Variants in AP3B1 observed in about 807,000 individuals in gnomAD.
AP3B1 encodes AP-3 complex subunit beta-1.
AP3B1 carries 61 observed loss-of-function variants against 132.5 expected under a neutral mutation model. That is an observed-to-expected ratio of 0.46 (90% confidence interval 0.37 to 0.57). AP3B1 has a LOEUF of 0.57. Among genes scored for constraint, AP3B1 ranks in the 20% least tolerant of loss-of-function variants. The pLI, the probability that AP3B1 is intolerant of heterozygous loss-of-function variation, is 0.00. For synonymous variants in AP3B1, 388 were observed against 438.3 expected, an observed-to-expected ratio of 0.89 and a Z score of 1.43; for missense variants, 1,120 against 1,289.4, an observed-to-expected ratio of 0.87 and a Z score of 2.01.
intron 22 of AP3B1, among the ~76,000 whole-genome samples, chr5:78,052,955 C>T (rs553811797): frequency 1.3e-5 from 2 of 152,270 alleles, no homozygotes; most frequent in African/African-American, 4.8e-5. Context: ...CTGAATTTGA[C>T]TTGTAAAGTG....
In AP3B1 at chr5:78,267,530, C is replaced by T. The variant is rs150651515; in HGVS notation, c.194G>A (p.Arg65Gln). Residue 65 changes from arginine (R) to glutamine (Q), a missense_variant, in exon 2 of 27, where the codon CGG (arginine) becomes CAG (glutamine). Transcript: ENST00000255194. Reference sequence around the variant, plus strand: ...GAGTATTTTACCTACCCCAACAATCCGCTTCATAGCATCCAGTTTAGCAGA... The same window carrying T: ...GAGTATTTTACCTACCCCAACAATCTGCTTCATAGCATCCAGTTTAGCAGA... ...KDSAKLDAMK[R>Q]IVGMIAKGKN... is the part of the protein sequence containing the mutation. 58 of 1,609,296 alleles carry T rather than the reference C, an allele frequency of 3.6e-5. No individual in the cohort carries two copies. The highest frequency in any genetic ancestry group is 5.0e-5 in the Admixed American group (3 of 59,806).
intron 1 of AP3B1, among the ~76,000 whole-genome samples, chr5:78,282,469 A>AG (rs1349484336): frequency 6.6e-6 from 1 of 152,116 alleles, no homozygotes; most frequent in African/African-American, 2.4e-5. Flanking sequence ...CAGAAGAATC[A>AG]GGGCTTATTA....
At chr5:78,068,358 A>AAGAAGG (rs113811186) in intron 22 of AP3B1, among the ~76,000 whole-genome samples, 29,173 of 150,950 alleles carry the variant, frequency 0.19, 3,200 homozygotes, top group Admixed American at 0.35. Flanking sequence ...AAGAAGAAGA[A>AAGAAGG]AGAAGGAGAA....
chr5:78,290,123 C>G (rs1749450329), intron 1 of AP3B1, among the ~76,000 whole-genome samples: 1 of 152,220 alleles, frequency 6.6e-6, no homozygotes, highest in African/African-American at 2.4e-5. Flanking sequence ...ATTATCACAT[C>G]CCGTCTAGAA....
chr5:78,047,270 T>C (rs1375246503), intron 22 of AP3B1, among the ~76,000 whole-genome samples: 1 of 152,210 alleles, frequency 6.6e-6, no homozygotes, highest in Non-Finnish European at 1.5e-5. Flanking sequence ...CCTTGAGGAA[T>C]TGCCGCACTG....
intron 24 of AP3B1, among the ~76,000 whole-genome samples, chr5:78,021,960 CTA>C (rs1747121591): frequency 6.6e-6 from 1 of 152,038 alleles, no homozygotes. Context: ...GAGATGGTAG[CTA>C]GAGAAACAGG....
At chr5:78,133,629 C>A (rs188948661) in intron 15 of AP3B1, among the ~76,000 whole-genome samples, 31 of 152,180 alleles carry the variant, frequency 2.0e-4, no homozygotes, top group Admixed American at 1.7e-3. Context: ...TTTAATATCA[C>A]CAGAGGCTCA....
intron 17 of AP3B1, among the ~76,000 whole-genome samples, chr5:78,122,277 A>G (rs941270193): frequency 2.0e-5 from 3 of 152,238 alleles, no homozygotes; most frequent in African/African-American, 7.2e-5. Context: ...TTCCCTTTGA[A>G]AACTGGCACA....
chr5:78,112,704 T>C (rs1338623850), intron 19 of AP3B1, among the ~76,000 whole-genome samples: 7 of 152,234 alleles, frequency 4.6e-5, no homozygotes, highest in Admixed American at 4.6e-4. Context: ...TCTAAATATA[T>C]TCAACTTCTA....
At chr5:78,137,151 C>T (rs1752953181) in intron 15 of AP3B1, among the ~76,000 whole-genome samples, 2 of 152,106 alleles carry the variant, frequency 1.3e-5, no homozygotes, top group South Asian at 4.1e-4. Flanking sequence ...ATTAAGAATG[C>T]CATGTATTTT....
intron 7 of AP3B1, among the ~76,000 whole-genome samples, chr5:78,184,838 T>C (rs1015378060): frequency 6.6e-6 from 1 of 152,152 alleles, no homozygotes; most frequent in African/African-American, 2.4e-5. Flanking sequence ...CTTTTTAAAT[T>C]TGGCAAATAA....
At chr5:78,218,923 A>C (rs1296720014) in intron 6 of AP3B1, among the ~76,000 whole-genome samples, 2 of 152,118 alleles carry the variant, frequency 1.3e-5, no homozygotes, top group Non-Finnish European at 2.9e-5. Flanking sequence ...AAAATGGGAA[A>C]GATCAGTCAT....
At chr5:78,248,075 A>AT (rs1747451982) in intron 2 of AP3B1, among the ~76,000 whole-genome samples, 1 of 152,254 alleles carries the variant, frequency 6.6e-6, no homozygotes, top group South Asian at 2.1e-4. Flanking sequence ...CTCAAACAGC[A>AT]TATCTTTAAC....
chr5:78,242,552 A>C (rs1484386258), intron 2 of AP3B1, among the ~76,000 whole-genome samples: 1 of 152,058 alleles, frequency 6.6e-6, no homozygotes, highest in African/African-American at 2.4e-5. Flanking sequence ...GATTACAGGC[A>C]CCTGATGCCA....
At chr5:78,082,003 T>C (rs533353452) in intron 22 of AP3B1, among the ~76,000 whole-genome samples, 35 of 152,338 alleles carry the variant, frequency 2.3e-4, no homozygotes, top group African/African-American at 8.4e-4. Context: ...TGGCCAACTT[T>C]GCTGGGCAGA....
At chr5:78,097,383 A>C (rs4703750) in intron 21 of AP3B1, among the ~76,000 whole-genome samples, 1 of 108,200 alleles carries the variant, frequency 9.2e-6, no homozygotes, top group Non-Finnish European at 2.0e-5. Flanking sequence ...GGAGGGAGGT[A>C]GGGGGTCAGC....
At chr5:78,075,227 G>C (rs1231097559) in intron 22 of AP3B1, among the ~76,000 whole-genome samples, 1 of 152,162 alleles carries the variant, frequency 6.6e-6, no homozygotes, top group African/African-American at 2.4e-5. Context: ...GACTACTCAA[G>C]AGAAACTGAA....
intron 6 of AP3B1, among the ~76,000 whole-genome samples, chr5:78,224,937 GAAC>G (rs1368827794): frequency 3.3e-5 from 5 of 152,012 alleles, no homozygotes; most frequent in African/African-American, 1.2e-4. Context: ...TAGAAGATTT[GAAC>G]AACACTAAAA....
chr5:78,272,789 C>T (rs1047676717), intron 1 of AP3B1, among the ~76,000 whole-genome samples: 2 of 152,000 alleles, frequency 1.3e-5, no homozygotes, highest in African/African-American at 4.8e-5. Flanking sequence ...CAAAGGGGGA[C>T]AGGGAGGATA....
Sources: allele counts gnomAD v4.1 joint callset (sites outside exome capture counted in the v4.1 genomes callset), GRCh38; gene constraint gnomAD v4.1.1; transcripts MANE v1.5; gene names NCBI Gene and HGNC (gene_info 2026-07-23, HGNC 2026-07-21).